Variants in ZNF536 observed in about 807,000 individuals in gnomAD.
ZNF536 encodes zinc finger protein 536.
A neutral mutation model predicts 84.5 loss-of-function variants in ZNF536; 13 were observed. That is an observed-to-expected ratio of 0.15 (90% CI 0.10 to 0.24). The LOEUF is 0.24. ZNF536 is among the 10% of genes least tolerant of loss of function. The pLI is 1.00. For missense variants in ZNF536, 1,536 were observed against 1,747.5 expected (o/e 0.88, Z 2.16); for synonymous variants, 811 against 742.5 (o/e 1.09, Z -1.50).
At chr19:30,595,102 C>T (rs933094306) in intron 1 of ZNF536, among the ~76,000 whole-genome samples, 4 of 152,110 alleles carry the variant, frequency 2.6e-5, no homozygotes, top group Non-Finnish European at 4.4e-5. Context: ...CCAGGAGAGG[C>T]ACAATGAAGT....
At chr19:30,709,186 A>G (rs900520106) in intron 1 of ZNF536, among the ~76,000 whole-genome samples, 109 of 152,324 alleles carry the variant, frequency 7.2e-4, no homozygotes, top group African/African-American at 2.5e-3. Flanking sequence ...GAACGTCCAC[A>G]GGAATCCACC....
intron 1 of ZNF536, among the ~76,000 whole-genome samples, chr19:30,251,234 G>A (rs1286788804): frequency 6.6e-6 from 1 of 152,112 alleles, no homozygotes; most frequent in African/African-American, 2.4e-5. Flanking sequence ...ATTTTCTGGG[G>A]CCAACGAGAA....
chr19:30,251,212 C>CTG (rs2024590668), intron 1 of ZNF536, among the ~76,000 whole-genome samples: 1 of 152,160 alleles, frequency 6.6e-6, no homozygotes, highest in Non-Finnish European at 1.5e-5. Flanking sequence ...CTACATAAGA[C>CTG]TGTGTGTCTA....
chr19:30,639,819 T>A (rs966740821), intron 1 of ZNF536, among the ~76,000 whole-genome samples: 1 of 152,224 alleles, frequency 6.6e-6, no homozygotes, highest in East Asian at 1.9e-4. Context: ...CATTTGTAAG[T>A]TCACAACTGT....
At chr19:30,255,445 G>A (rs1599907045) in intron 1 of ZNF536, among the ~76,000 whole-genome samples, 1 of 150,514 alleles carries the variant, frequency 6.6e-6, no homozygotes, top group Non-Finnish European at 1.5e-5. Flanking sequence ...AAGAACACGG[G>A]TTCGGGTGGA....
At chr19:30,552,702 A>G (rs1433636914) in intron 4 of ZNF536, among the ~76,000 whole-genome samples, 3 of 152,192 alleles carry the variant, frequency 2.0e-5, no homozygotes, top group African/African-American at 7.2e-5. Flanking sequence ...TGCCCTGCCC[A>G]TCCTAACAGC....
At chr19:30,484,652 C>G (rs954494612) in intron 2 of ZNF536, among the ~76,000 whole-genome samples, 1 of 149,504 alleles carries the variant, frequency 6.7e-6, no homozygotes, top group African/African-American at 2.5e-5. Flanking sequence ...GAGCAAGTAG[C>G]GCACTTTCTT....
Position 30,444,075 on chromosome 19 carries a change from G to A in ZNF536, c.513G>A (p.Gly171=), listed in dbSNP as rs774642001. 6 of 1,613,396 alleles carry A rather than the reference G, an allele frequency of 3.7e-6. No homozygotes were observed. The highest frequency in any genetic ancestry group is 3.3e-5 in the South Asian group (3 of 91,080). ...GCGACCACAGGGCGGCGCAGAAGGG[G>A]AACCTCAAGATTCACCTGCGGACCC... is the stretch of plus-strand genomic sequence containing the variant. ...PYCDHRAAQK[G]NLKIHLRTHK... The change falls in exon 2 of 5, where the codon GGG becomes GGA. Residue 171 remains glycine, a synonymous_variant. Transcript: ENST00000355537.
chr19:30,444,264 G>A lies in ZNF536; in HGVS notation c.702G>A (p.Pro234=), dbSNP rs543321339. The A allele has an allele frequency of 1.1e-5, 17 of 1,553,676 alleles. No homozygotes were observed. Among genetic ancestry groups the A allele is most frequent in the Middle Eastern group, 1.8e-4 (1 of 5,694 alleles). The stretch of plus-strand genomic sequence containing the variant: ...CCCCGCCGCACGCCCAGCAGGCCCC[G>A]CTGGCCGCCTGCACCCTGGCCCTGC... ...LKPPPHAQQA[P]LAACTLALQA... The change falls in exon 2 of 5, where the codon CCG becomes CCA. Residue 234 remains proline, a synonymous_variant. Coordinates refer to ENST00000355537, the MANE Select transcript of ZNF536 (RefSeq NM_014717.3).
chr19:30,230,359 T>G (rs2022939278), intron 1 of ZNF536, among the ~76,000 whole-genome samples: 1 of 152,208 alleles, frequency 6.6e-6, no homozygotes, highest in African/African-American at 2.4e-5. Context: ...AAATGGTAAT[T>G]ATGGAGAACC....
intron 3 of ZNF536, among the ~76,000 whole-genome samples, chr19:30,358,044 C>T (rs146310652): frequency 1.6e-4 from 25 of 152,222 alleles, no homozygotes; most frequent in Non-Finnish European, 1.3e-4. Flanking sequence ...TCATCATGCA[C>T]GCAGGGTGAG....
At chr19:30,708,664 G>A (rs909279508) in intron 1 of ZNF536, among the ~76,000 whole-genome samples, 7 of 152,188 alleles carry the variant, frequency 4.6e-5, no homozygotes, top group Non-Finnish European at 1.0e-4. Flanking sequence ...GATTCAACAG[G>A]TAGAATGGAT....
At chr19:30,340,964 C>T (rs146190882) in intron 2 of ZNF536, among the ~76,000 whole-genome samples, 2 of 152,094 alleles carry the variant, frequency 1.3e-5, no homozygotes, top group African/African-American at 2.4e-5. Flanking sequence ...CAGGGAGACT[C>T]GAGAAAAAAA....
exon 2 of ZNF536, chr19:30,713,340 C>T (rs2052510409): frequency 6.6e-6 from 1 of 152,032 alleles, no homozygotes; most frequent in Admixed American, 6.6e-5. Context: ...ATAATACTGT[C>T]TACATTCCTA....
intron 2 of ZNF536, among the ~76,000 whole-genome samples, chr19:30,495,700 A>T (rs1024336077): frequency 2.6e-5 from 4 of 152,176 alleles, no homozygotes; most frequent in Non-Finnish European, 5.9e-5. Context: ...GCTGTTCTTT[A>T]TGGGGGTATC....
At chr19:30,437,448 T>C (rs1480373244) in intron 1 of ZNF536, among the ~76,000 whole-genome samples, 1 of 152,246 alleles carries the variant, frequency 6.6e-6, no homozygotes, top group Non-Finnish European at 1.5e-5. Context: ...TGTATTTTGA[T>C]AATCTGTGCA....
intron 1 of ZNF536, among the ~76,000 whole-genome samples, chr19:30,253,222 A>C (rs1338818363): frequency 6.6e-6 from 1 of 152,188 alleles, no homozygotes; most frequent in Non-Finnish European, 1.5e-5. Context: ...AATACTGTTC[A>C]TATTCAGAAG....
chr19:30,705,557 C>T (rs1234598340), intron 1 of ZNF536, among the ~76,000 whole-genome samples: 1 of 152,150 alleles, frequency 6.6e-6, no homozygotes, highest in East Asian at 1.9e-4. Flanking sequence ...GCTCTCTCAT[C>T]TGTACAATGG....
chr19:30,334,965 G>T (rs761366121), intron 2 of ZNF536, among the ~76,000 whole-genome samples: 1 of 152,186 alleles, frequency 6.6e-6, no homozygotes, highest in South Asian at 2.1e-4. Flanking sequence ...GGGCTCAGGC[G>T]GGAATGCTCG....
Sources: gnomAD v4.1 joint callset for allele counts (sites outside exome capture counted in the v4.1 genomes callset) on GRCh38, gnomAD v4.1.1 for gene constraint, MANE v1.5 for transcripts, NCBI Gene and HGNC (gene_info 2026-07-23, HGNC 2026-07-21) for gene names.